SSC5D: variants seen among roughly 807,000 people sequenced by gnomAD.
SSC5D encodes the protein scavenger receptor cysteine rich family member with 5 domains, also known as soluble scavenger receptor cysteine-rich domain-containing protein SSC5D.
SSC5D carries 106 observed loss-of-function variants against 104.6 expected under a neutral mutation model. The ratio of observed to expected loss-of-function variants is 1.01; its 90% CI spans 0.87 to 1.19. The LOEUF (loss-of-function observed/expected upper bound fraction) is 1.19. Among genes scored for constraint, SSC5D ranks in the 50% most tolerant of loss-of-function variants. The pLI is 0.00. For missense variants in SSC5D, 1,993 were observed against 2,153.8 expected (o/e 0.93, Z 1.48); for synonymous variants, 860 against 883.5 (o/e 0.97, Z 0.47).
chr19:55,515,533 CCGTCCTGG>C (rs1291436049), intron 13 of SSC5D, among the ~76,000 whole-genome samples: 9 of 151,828 alleles, frequency 5.9e-5, no homozygotes, highest in Non-Finnish European at 7.4e-5. Context: ...GAGATCGCGA[CCGTCCTGG>C]CTAACACAGT....
rs1033582533 is a variant in SSC5D at position 55,488,450 on chromosome 19, G to A, written c.-140G>A. ...GCCTCTTTCTTCCTCCTGGCAAAGC[G>A]TCCAGCCCTGCCTGCTCCTCCTCGG... On this transcript the variant is annotated 5_prime_UTR_variant, in exon 1 of 14. Transcript: ENST00000389623. The A allele has an allele frequency of 4.6e-5, 25 of 541,244 alleles. No homozygotes were observed. Among genetic ancestry groups the A allele is most frequent in the Admixed American group, 4.5e-4 (17 of 37,994 alleles). The allele number at this position is 541,244 out of a possible 1,614,324, so 33.5% of individuals were successfully genotyped here. A position where few individuals can be genotyped will look rare whatever the true frequency, so the allele number is the denominator to read the frequency against.
chr19:55,506,828 G>C (rs10417421), intron 12 of SSC5D, among the ~76,000 whole-genome samples: 1 of 151,964 alleles, frequency 6.6e-6, no homozygotes, highest in Admixed American at 6.6e-5. Flanking sequence ...GGTAGTGTTA[G>C]GGAGCAAAGC....
At chr19:55,514,314 A>G (rs895936146) in intron 13 of SSC5D, among the ~76,000 whole-genome samples, 3 of 151,804 alleles carry the variant, frequency 2.0e-5, no homozygotes, top group African/African-American at 7.3e-5. Context: ...CTGAGGCAGG[A>G]GAATGGCGTG....
Position 55,499,885 on chromosome 19 carries a change from G to C in SSC5D, c.1775G>C (p.Arg592Pro), listed in dbSNP as rs777385099. The C allele has an allele frequency of 4.5e-6, 7 of 1,551,494 alleles. No homozygotes were observed. Among genetic ancestry groups the C allele is most frequent in the Non-Finnish European group, 8.7e-7 (1 of 1,146,986 alleles). Residue 592 changes from arginine to proline, a missense_variant, in exon 10 of 14, where the codon CGG becomes CCG. By Grantham distance (103) the Arg-to-Pro change is moderately radical. Around this residue, in one of 6 missense-constraint regions of SSC5D, gnomAD observed 1,101 missense variants for 1,085.0 expected, o/e 1.01. Coordinates refer to ENST00000389623, the MANE Select transcript of SSC5D (RefSeq NM_001144950.2). ...TGGATTCCTGGACTGGGGAGAGATC[G>C]GGATGCCTGGCTCCCGGGAGAGCTG... ...WSWIPGLGRD[R>P]DAWLPGELAT...
chr19:55,490,809 C>T lies in SSC5D; in HGVS notation c.624C>T (p.Ala208=), dbSNP rs759596974. Residue 208 remains alanine (A), a synonymous_variant, in exon 6 of 14, where the codon GCC becomes GCT. Coordinates refer to ENST00000389623, the MANE Select transcript of SSC5D (RefSeq NM_001144950.2). ...LRLVSGPHRC[A]GRLEVWHGGR... is the part of the protein sequence containing the mutation. ...TGGTCTCTGGCCCCCACAGGTGCGC[C>T]GGACGCCTGGAGGTCTGGCACGGCG... The T allele has an allele frequency of 1.2e-4, 180 of 1,545,566 alleles. No individual in the cohort carries two copies. Among genetic ancestry groups the T allele is most frequent in the Admixed American group, 4.8e-4 (24 of 50,468 alleles).
At position 55,518,527 on chromosome 19, in the gene SSC5D, C is replaced by T. The variant is rs562034445; in HGVS notation, c.4251C>T (p.Ser1417=). 1.3e-6 allele frequency: 2 copies of T among 1,550,594 alleles called. No homozygotes were observed. The highest frequency in any genetic ancestry group is 2.4e-5 in the East Asian group (1 of 40,858). ...TEDFKPPRSQ[S]PNLTPPPTHT... ...ACTTCAAGCCACCCAGAAGCCAGAG[C>T]CCCAACCTAACCCCTCCACCCACCC... Residue 1417 remains serine, a synonymous_variant, in exon 14 of 14, where the codon AGC becomes AGT. Coordinates refer to ENST00000389623, the MANE Select transcript of SSC5D (RefSeq NM_001144950.2).
Position 55,490,329 on chromosome 19 carries a change from C to T in SSC5D, c.507C>T (p.Ala169=). Residue 169 remains alanine, a synonymous_variant, in exon 5 of 14, where the codon GCC becomes GCT. Coordinates refer to ENST00000389623, the MANE Select transcript of SSC5D (RefSeq NM_001144950.2). ...GCCCAGCTGGGAACCCCCAGAACGCCTCCCGGAAGAAGAGCCCCCGGCCCA... is the reference window on the plus strand; with the variant it reads ...GCCCAGCTGGGAACCCCCAGAACGCTTCCCGGAAGAAGAGCCCCCGGCCCA... The part of the protein sequence containing the change: ...APRPAGNPQN[A]SRKKSPRPKQ... The T allele has an allele frequency of 1.3e-6, 2 of 1,488,076 alleles. No individual in the cohort carries two copies. Among genetic ancestry groups the T allele is most frequent in the Admixed American group, 2.0e-5 (1 of 49,748 alleles). 92.2% of individuals were successfully genotyped at this position (1,488,076 alleles called of 1,614,324 possible).
In SSC5D at chr19:55,501,208, G is replaced by A. The variant is rs1331931065; in HGVS notation, c.2785+7G>A. ...AGGCGCCTGCCGGACACAGGTGAGA[G>A]GCCTGATTGGGGTGGCCATGGAGGG... is the stretch of plus-strand genomic sequence containing the variant. On this transcript the variant is annotated splice_region_variant and intron_variant, in intron 12 of 13. Transcript: ENST00000389623. 1 of 1,508,890 alleles carries A rather than the reference G, an allele frequency of 6.6e-7. No homozygotes were observed. Among genetic ancestry groups the A allele is most frequent in the Non-Finnish European group, 8.8e-7 (1 of 1,130,182 alleles). 93.5% of individuals were successfully genotyped at this position (1,508,890 alleles called of 1,614,324 possible). A position where few individuals can be genotyped will look rare whatever the true frequency, so the allele number is the denominator to read the frequency against.
At chr19:55,514,532 C>T (rs1471370116) in intron 13 of SSC5D, among the ~76,000 whole-genome samples, 2 of 147,052 alleles carry the variant, frequency 1.4e-5, no homozygotes, top group Non-Finnish European at 1.5e-5. Context: ...ACCTGGGAGG[C>T]GGAGGTTGCA....
rs961919336 is a variant in SSC5D, at chr19:55,490,958, G to T, written c.773G>T (p.Gly258Val). 18 of 1,546,614 alleles carry T rather than the reference G, an allele frequency of 1.2e-5. No individual in the cohort carries two copies. The African/African-American group carries it at 1.9e-4, about 16-fold the overall frequency. The change falls in exon 6 of 14, where the codon GGG becomes GTG. Residue 258 changes from glycine (G) to valine (V), a missense_variant. This residue lies in a region of SSC5D where 1,101 missense variants were observed against 1,085.0 expected (regional missense o/e 1.01). Coordinates refer to ENST00000389623, the MANE Select transcript of SSC5D (RefSeq NM_001144950.2). ...GGTGCCAGATTCGGGCCTGGTGCAG[G>T]GCCCGTGTGGATGGACGATGTGGGG... ...PGGARFGPGAGPVWMDDVGCG... is the reference protein window; with the variant it reads ...PGGARFGPGAVPVWMDDVGCG...
At chr19:55,505,165 T>G (rs1987612446) in intron 12 of SSC5D, among the ~76,000 whole-genome samples, 1 of 151,780 alleles carries the variant, frequency 6.6e-6, no homozygotes, top group African/African-American at 2.4e-5. Context: ...TGAAATCGTT[T>G]AAAACCGCAG....
At chr19:55,495,034 A>G (rs1987275270) in intron 8 of SSC5D, among the ~76,000 whole-genome samples, 1 of 151,472 alleles carries the variant, frequency 6.6e-6, no homozygotes, top group Non-Finnish European at 1.5e-5. Flanking sequence ...CCAGTCCTGG[A>G]TAAGAGAAAG....
intron 12 of SSC5D, among the ~76,000 whole-genome samples, 178 bp from the exon 13 acceptor site, chr19:55,512,833 T>A (rs933115786): frequency 1.3e-5 from 2 of 152,118 alleles, no homozygotes; most frequent in Non-Finnish European, 2.9e-5. Context: ...CCGTCGTTGG[T>A]AGCCAAAAAC....
intron 13 of SSC5D, among the ~76,000 whole-genome samples, chr19:55,514,650 G>T (rs1018057922): frequency 6.6e-6 from 1 of 151,270 alleles, no homozygotes; most frequent in Non-Finnish European, 1.5e-5. Context: ...GGAGAAAGGA[G>T]GGAAGGAAAT....
chr19:55,494,856 T>C, intron 8 of SSC5D, 73 bp downstream of exon 8: 1 of 1,430,922 alleles, frequency 7.0e-7, no homozygotes, highest in Non-Finnish European at 9.3e-7. Flanking sequence ...TGAGACTGTC[T>C]CATGGGGGGC....
In SSC5D at chr19:55,518,812, AC is replaced by A; in HGVS notation, c.4537del (p.Gln1513ArgfsTer13). 6.4e-7 allele frequency: 1 copy of A among 1,550,506 alleles called. No individual in the cohort carries two copies. On this transcript the variant is annotated frameshift_variant, in exon 14 of 14. Coordinates refer to ENST00000389623, the MANE Select transcript of SSC5D (RefSeq NM_001144950.2). LOFTEE classifies it high-confidence loss of function. ...QLQRLTQVVE[Q>X]ERQERQALLL... ...TGCAGAGACTGACCCAGGTCGTGGAACAGGAGCGGCAGGAGCGCCAAGCCCT... is the reference window on the plus strand; with the variant it reads ...TGCAGAGACTGACCCAGGTCGTGGAAAGGAGCGGCAGGAGCGCCAAGCCCT...
At position 55,518,943 on chromosome 19, in the gene SSC5D, C is replaced by T. The variant is rs922915073; in HGVS notation, c.4667C>T (p.Ala1556Val). The change falls in exon 14 of 14, where the codon GCA (alanine) becomes GTA (valine). Residue 1556 changes from alanine (A) to valine (V), a missense_variant. Transcript: ENST00000389623. ...AEMAWTTSMPAPTTTTPEEEE... is the reference protein window; with the variant it reads ...AEMAWTTSMPVPTTTTPEEEE... ...ATGGCCTGGACCACCAGCATGCCTG[C>T]ACCAACCACCACTACCCCAGAGGAA... The T allele has an allele frequency of 1.3e-6, 2 of 1,550,380 alleles. No homozygotes were observed. The highest frequency in any genetic ancestry group is 1.7e-6 in the Non-Finnish European group (2 of 1,146,966).
At chr19:55,490,044 GCCC>G (rs371994295) in intron 4 of SSC5D, 49 bp downstream of exon 4, 1 of 1,304,364 alleles carries the variant, frequency 7.7e-7, no homozygotes, top group African/African-American at 2.3e-5. Context: ...GTGCCCTCCT[GCCC>G]CCCCCGAGGG....
At chr19:55,497,813 G>C in intron 8 of SSC5D, 67 bp from the exon 9 acceptor site, 1 of 1,316,568 alleles carries the variant, frequency 7.6e-7, no homozygotes, top group Non-Finnish European at 9.9e-7. Context: ...GGAGGGAAAG[G>C]TGGATGAAGA....
Sources: gnomAD v4.1 joint callset for allele counts (sites outside exome capture counted in the v4.1 genomes callset) on GRCh38, gnomAD v4.1.1 for gene constraint, gnomAD v4.1.1 regional missense constraint, MANE v1.5 for transcripts, NCBI Gene and HGNC (gene_info 2026-07-23, HGNC 2026-07-21) for gene names.